Variants in NTM observed in about 807,000 individuals in gnomAD.
NTM encodes the protein IgLON family member 2.
A neutral mutation model predicts 42.1 loss-of-function variants in NTM; 13 were observed. The ratio of observed to expected loss-of-function variants is 0.31; its 90% confidence interval spans 0.20 to 0.49. The LOEUF is 0.49. Among genes scored for constraint, NTM ranks in the 20% least tolerant of loss-of-function variants. NTM has a pLI of 0.99. For synonymous variants in NTM, 187 were observed against 179.2 expected (o/e 1.04, Z -0.35); for missense variants, 373 against 452.8 (o/e 0.82, Z 1.60).
chr11:131,641,073 T>C (rs1175561316), intron 1 of NTM, among the ~76,000 whole-genome samples: 1 of 152,230 alleles, frequency 6.6e-6, no homozygotes, highest in African/African-American at 2.4e-5. Context: ...TGTGCTCATT[T>C]GCTACTTGAG....
intron 2 of NTM, among the ~76,000 whole-genome samples, chr11:132,036,364 G>A (rs946159235): frequency 2.0e-5 from 3 of 152,170 alleles, no homozygotes; most frequent in Non-Finnish European, 2.9e-5. Flanking sequence ...GAAATTGGGT[G>A]TAAGGAATAT....
chr11:131,391,778 G>A lies in NTM; in HGVS notation c.82+20890G>A, dbSNP rs145708178. ...TACACCCGTGACAGGTAAACATAAA[G>A]TTAGTTACCTAGTGCCAGCCACCAA... On this transcript the variant is annotated intron_variant, in intron 1 of 8. Transcript: ENST00000683400. Among the ~76,000 whole-genome samples the A allele has an allele frequency of 6.6e-5, 10 of 152,054 alleles. No homozygotes were observed. The East Asian group carries it at 1.4e-3, about 21-fold the overall frequency.
intron 2 of NTM, among the ~76,000 whole-genome samples, chr11:132,083,415 A>G (rs2059329650): frequency 6.6e-6 from 1 of 152,230 alleles, no homozygotes; most frequent in South Asian, 2.1e-4. Flanking sequence ...TAGGCTTTTA[A>G]AATTGGCTTT....
chr11:131,528,735 A>G (rs969654412), intron 1 of NTM, among the ~76,000 whole-genome samples: 2 of 152,222 alleles, frequency 1.3e-5, no homozygotes, highest in African/African-American at 4.8e-5. Context: ...TATTTAATAA[A>G]TGCATGCTAA....
chr11:132,053,408 A>C (rs1469710031), intron 2 of NTM, among the ~76,000 whole-genome samples: 1 of 152,152 alleles, frequency 6.6e-6, no homozygotes, highest in Non-Finnish European at 1.5e-5. Flanking sequence ...GTTAATTCTC[A>C]CAGCTGCTCT....
chr11:131,458,214 A>G (rs1951076970), intron 1 of NTM, among the ~76,000 whole-genome samples: 1 of 152,214 alleles, frequency 6.6e-6, no homozygotes, highest in Non-Finnish European at 1.5e-5. Context: ...CAGGTGCCTT[A>G]TGCAGGAGAG....
At chr11:131,916,245 A>G (rs1444462508) in intron 2 of NTM, among the ~76,000 whole-genome samples, 10 of 152,316 alleles carry the variant, frequency 6.6e-5, no homozygotes, top group African/African-American at 2.4e-4. Context: ...GCCCCAATGC[A>G]TGGGTGTCAT....
intron 2 of NTM, among the ~76,000 whole-genome samples, chr11:132,030,096 G>A (rs1331829206): frequency 6.6e-6 from 1 of 151,930 alleles, no homozygotes; most frequent in Non-Finnish European, 1.5e-5. Context: ...GGTCATTATT[G>A]AAAACATCAG....
chr11:131,803,310 T>C (rs570676788), intron 1 of NTM, among the ~76,000 whole-genome samples: 3 of 152,072 alleles, frequency 2.0e-5, no homozygotes, highest in East Asian at 1.9e-4. Flanking sequence ...GGGTTTTTTT[T>C]TTTCTTTCTT....
intron 1 of NTM, among the ~76,000 whole-genome samples, chr11:131,550,197 G>A (rs1050330476): frequency 6.6e-6 from 1 of 152,252 alleles, no homozygotes; most frequent in Non-Finnish European, 1.5e-5. Flanking sequence ...CGTGAAATGT[G>A]TTAATTAAGC....
intron 1 of NTM, among the ~76,000 whole-genome samples, chr11:131,460,907 T>C (rs1003483824): frequency 2.6e-5 from 4 of 152,194 alleles, no homozygotes; most frequent in Non-Finnish European, 5.9e-5. Context: ...TGAGCAACAG[T>C]GTTGCAGAGG....
At chr11:131,459,405 G>A (rs1951178227) in intron 1 of NTM, among the ~76,000 whole-genome samples, 1 of 152,146 alleles carries the variant, frequency 6.6e-6, no homozygotes, top group South Asian at 2.1e-4. Flanking sequence ...GGATTGATGA[G>A]AATAAGAAGT....
intron 2 of NTM, among the ~76,000 whole-genome samples, chr11:132,006,439 C>T (rs2070811405): frequency 6.6e-6 from 1 of 152,064 alleles, no homozygotes; most frequent in Non-Finnish European, 1.5e-5. Context: ...ATGAGAAGAG[C>T]CAAGAGAATA....
intron 4 of NTM, among the ~76,000 whole-genome samples, chr11:132,255,458 C>T (rs1198032550): frequency 4.6e-5 from 7 of 152,164 alleles, no homozygotes; most frequent in East Asian, 1.9e-4. Flanking sequence ...CTCGGCTGCT[C>T]GAGGGAACTC....
chr11:132,326,259 G>A (rs1218505831), intron 7 of NTM, among the ~76,000 whole-genome samples: 1 of 152,170 alleles, frequency 6.6e-6, no homozygotes, highest in African/African-American at 2.4e-5. Context: ...CTATGGCTAT[G>A]CTTTCAGAAG....
At chr11:131,679,913 G>C (rs2072133851) in intron 1 of NTM, among the ~76,000 whole-genome samples, 1 of 152,156 alleles carries the variant, frequency 6.6e-6, no homozygotes, top group South Asian at 2.1e-4. Flanking sequence ...GCTGATGTTT[G>C]ACTAACTCCT....
chr11:131,665,098 C>A (rs190580620), intron 1 of NTM, among the ~76,000 whole-genome samples: 135 of 152,286 alleles, frequency 8.9e-4, no homozygotes, highest in African/African-American at 3.0e-3. Context: ...CGCGTCCCCT[C>A]CTGTCCTGCA....
intron 1 of NTM, among the ~76,000 whole-genome samples, chr11:131,569,098 C>A (rs1405972536): frequency 2.0e-5 from 3 of 152,120 alleles, no homozygotes; most frequent in African/African-American, 7.2e-5. Context: ...CAGTCCTAGG[C>A]AACCCCTAAT....
intron 1 of NTM, among the ~76,000 whole-genome samples, chr11:131,541,088 G>A (rs145387883): frequency 0.024 from 3,707 of 152,256 alleles, 70 homozygotes; most frequent in Middle Eastern, 0.054. Flanking sequence ...ATCAATCCCC[G>A]TGCTTCTTCA....
Sources: gnomAD v4.1 joint callset for allele counts (sites outside exome capture counted in the v4.1 genomes callset) on GRCh38, gnomAD v4.1.1 for gene constraint, MANE v1.5 for transcripts, NCBI Gene and HGNC (gene_info 2026-07-23, HGNC 2026-07-21) for gene names.